Variants in COL13A1 observed in about 807,000 individuals in gnomAD.
COL13A1 encodes collagen type XIII alpha 1 chain.
Under a neutral mutation model 130.9 loss-of-function variants are expected in COL13A1, and 89 were observed. That is an observed-to-expected ratio of 0.68 (90% CI 0.57 to 0.81). COL13A1 has a LOEUF of 0.81. Ranked by LOEUF, COL13A1 falls within the 30% of genes least tolerant of loss-of-function variation. COL13A1 has a pLI of 0.00. For synonymous variants in COL13A1, 402 were observed against 341.6 expected, an observed-to-expected ratio of 1.18 and a Z score of -1.95; for missense variants, 879 against 934.6, an observed-to-expected ratio of 0.94 and a Z score of 0.78.
chr10:69,904,301 G>A (rs992586094), intron 15 of COL13A1, among the ~76,000 whole-genome samples: 1 of 151,924 alleles, frequency 6.6e-6, no homozygotes, highest in Non-Finnish European at 1.5e-5. Flanking sequence ...TAACAACAAC[G>A]ACAACCAAAA....
At position 69,860,247 on chromosome 10, in the gene COL13A1, G is replaced by GCGGT. The variant is rs565332007; in HGVS notation, c.365-7549_365-7546dup. Among the ~76,000 whole-genome samples, 774 of 152,336 alleles carry GCGGT rather than the reference G, an allele frequency of 5.1e-3. 1 individual carries two copies. The highest frequency in any genetic ancestry group is 0.018 in the African/African-American group (742 of 41,568). ...CGAAGTGTCAGGGTACTTGGATGGG[G>GCGGT]CGGTCTCCTGAGCTAGAAAAGAAGC... is the stretch of plus-strand genomic sequence containing the variant. On this transcript the variant is annotated intron_variant, in intron 2 of 40. Coordinates refer to ENST00000645393, the MANE Select transcript of COL13A1 (RefSeq NM_001368882.1).
At chr10:69,887,634 G>A in intron 8 of COL13A1, 143 bp downstream of exon 8, 2 of 819,918 alleles carry the variant, frequency 2.4e-6, no homozygotes, top group Admixed American at 4.8e-5. Context: ...AGCCATTCAT[G>A]GACACCAACT....
intron 2 of COL13A1, chr10:69,860,848 C>T (rs1300785752): frequency 6.0e-6 from 1 of 166,164 alleles, no homozygotes; most frequent in Non-Finnish European, 1.4e-5. Flanking sequence ...AACTGTCTCA[C>T]CAGAGCCATC....
chr10:69,897,463 C>T, intron 13 of COL13A1: 4 of 1,613,812 alleles, frequency 2.5e-6, no homozygotes, highest in Non-Finnish European at 3.4e-6. Flanking sequence ...CCTCCATCCC[C>T]TCCCAAACTA....
At chr10:69,944,000 G>A (rs1240778787) in intron 35 of COL13A1, 125 bp from the exon 36 acceptor site, 15 of 733,630 alleles carry the variant, frequency 2.0e-5, no homozygotes, top group East Asian at 1.3e-4. Context: ...TGCCCTGAAC[G>A]AGCCTGGCCT....
intron 2 of COL13A1, among the ~76,000 whole-genome samples, chr10:69,856,801 T>A (rs947858708): frequency 3.9e-5 from 6 of 152,202 alleles, no homozygotes; most frequent in Non-Finnish European, 7.3e-5. Context: ...CTTGAGAAGA[T>A]ATCTCTAGGT....
intron 2 of COL13A1, among the ~76,000 whole-genome samples, chr10:69,824,648 G>A (rs1847044502): frequency 6.6e-6 from 1 of 152,152 alleles, no homozygotes; most frequent in African/African-American, 2.4e-5. Context: ...AACACCATGG[G>A]GAGAAGAAAG....
chr10:69,844,777 G>T (rs568339470), intron 2 of COL13A1, among the ~76,000 whole-genome samples: 1 of 152,314 alleles, frequency 6.6e-6, no homozygotes, highest in Non-Finnish European at 1.5e-5. Flanking sequence ...TTTTGAGACC[G>T]TAAAGTACAT....
chr10:69,843,828 G>A (rs1181925516), intron 2 of COL13A1, among the ~76,000 whole-genome samples: 1 of 152,200 alleles, frequency 6.6e-6, no homozygotes, highest in East Asian at 1.9e-4. Context: ...ACGACCAGAG[G>A]TGCTACAGCC....
chr10:69,834,205 C>A (rs574216136), intron 2 of COL13A1, among the ~76,000 whole-genome samples: 22 of 152,286 alleles, frequency 1.4e-4, no homozygotes, highest in Admixed American at 1.3e-3. Context: ...CCCTCGCATG[C>A]GCAGTCTGCA....
In COL13A1 at chr10:69,802,119, G is replaced by C. The variant is rs1288756204; in HGVS notation, c.-305G>C. ...CAACTGCTCTGCAGACACTTGAAGG[G>C]AAAGACTGGGCGGAGAGAAGGAGAG... is the stretch of plus-strand genomic sequence containing the variant. On this transcript the variant is annotated 5_prime_UTR_variant, in exon 1 of 41. Transcript: ENST00000645393. 2 of 337,056 alleles carry C rather than the reference G, an allele frequency of 5.9e-6. No individual in the cohort carries two copies. Among genetic ancestry groups the C allele is most frequent in the Non-Finnish European group, 1.1e-5 (2 of 188,458 alleles). 20.9% of individuals were successfully genotyped at this position (337,056 alleles called of 1,614,324 possible).
intron 26 of COL13A1, 59 bp downstream of exon 26, chr10:69,925,931 C>A: frequency 2.1e-6 from 3 of 1,423,260 alleles, no homozygotes; most frequent in Non-Finnish European, 2.9e-6. Flanking sequence ...CTGCACCATG[C>A]CCTGATCAGG....
At position 69,802,084 on chromosome 10, in the gene COL13A1, A is replaced by G. The variant is rs2131967613; in HGVS notation, c.-340A>G. 1 of 227,362 alleles carries G rather than the reference A, an allele frequency of 4.4e-6. No homozygotes were observed. Among genetic ancestry groups the G allele is most frequent in the East Asian group, 1.0e-4 (1 of 10,010 alleles). 14.1% of individuals were successfully genotyped at this position (227,362 alleles called of 1,614,324 possible). ...ACACGAGGCGCCCAGAAGGACTGAC[A>G]GCGCGGCACCAACTGCTCTGCAGAC... is the stretch of plus-strand genomic sequence containing the variant. On this transcript the variant is annotated 5_prime_UTR_variant, in exon 1 of 41. Coordinates refer to ENST00000645393, the MANE Select transcript of COL13A1 (RefSeq NM_001368882.1).
chr10:69,863,299 G>A lies in COL13A1; in HGVS notation c.365-4499G>A, dbSNP rs540257518. On this transcript the variant is annotated intron_variant, in intron 2 of 40. Transcript: ENST00000645393. Reference sequence around the variant, plus strand: ...CCTCTGGGGAGCCAAATTCCCCCGAGCTGAGAACCCCTGCTCCAGCAGGCA... The same window carrying A: ...CCTCTGGGGAGCCAAATTCCCCCGAACTGAGAACCCCTGCTCCAGCAGGCA... Among the ~76,000 whole-genome samples the A allele has an allele frequency of 2.2e-4, 34 of 152,300 alleles. 1 individual carries two copies. The South Asian group carries it at 3.7e-3, about 17-fold the overall frequency.
chr10:69,853,522 G>A (rs16926957), intron 2 of COL13A1, among the ~76,000 whole-genome samples: 2,076 of 152,208 alleles, frequency 0.014, 53 homozygotes, highest in African/African-American at 0.047. Flanking sequence ...TGAGGTCAAC[G>A]CAAGTATAAA....
At chr10:69,846,100 G>A (rs947455243) in intron 2 of COL13A1, among the ~76,000 whole-genome samples, 5 of 152,220 alleles carry the variant, frequency 3.3e-5, no homozygotes, top group African/African-American at 1.2e-4. Flanking sequence ...AGCCCATGCC[G>A]GAAATAAACT....
chr10:69,928,813 A>G (rs2065719339), intron 27 of COL13A1, 124 bp from the exon 28 acceptor site: 3 of 611,298 alleles, frequency 4.9e-6, no homozygotes, highest in Non-Finnish European at 8.5e-6. Context: ...ATGCATCTCT[A>G]TCACTGGAGA....
intron 14 of COL13A1, among the ~76,000 whole-genome samples, chr10:69,902,478 C>A (rs545412667): frequency 1.2e-4 from 18 of 152,310 alleles, no homozygotes; most frequent in South Asian, 1.0e-3. Flanking sequence ...CCTCTGCCCC[C>A]CCGCAGAATG....
chr10:69,897,647 G>A, intron 13 of COL13A1: 2 of 1,158,694 alleles, frequency 1.7e-6, no homozygotes, highest in Non-Finnish European at 2.5e-6. Flanking sequence ...AGCTCTGTGT[G>A]CCACTGCTGT....
Sources: allele counts gnomAD v4.1 joint callset (sites outside exome capture counted in the v4.1 genomes callset), GRCh38; gene constraint gnomAD v4.1.1; transcripts MANE v1.5; gene names NCBI Gene and HGNC (gene_info 2026-07-23, HGNC 2026-07-21).